SEZ6: variants seen among roughly 807,000 people sequenced by gnomAD.
SEZ6 encodes seizure related 6 homolog.
SEZ6 carries 53 observed loss-of-function variants against 101.0 expected under a neutral mutation model. The observed-to-expected ratio is 0.52, with a 90% CI of 0.42 to 0.66. SEZ6 has a LOEUF of 0.66. Ranked by LOEUF, SEZ6 falls within the 30% of genes least tolerant of loss-of-function variation. The probability of loss-of-function intolerance (pLI) is 0.00; values close to 1 mark genes in which losing one functional copy is unlikely to be tolerated. For missense variants in SEZ6, 1,102 were observed against 1,289.4 expected (o/e 0.85, Z 2.23); for synonymous variants, 488 against 512.2 (o/e 0.95, Z 0.64).
At chr17:28,975,349 A>G (rs1414324405) in intron 3 of SEZ6, among the ~76,000 whole-genome samples, 1 of 152,212 alleles carries the variant, frequency 6.6e-6, no homozygotes, top group East Asian at 1.9e-4. Flanking sequence ...AGCCACACTC[A>G]AAGGGACTGG....
At chr17:28,963,804 C>T in intron 5 of SEZ6, 158 bp downstream of exon 5, 1 of 780,068 alleles carries the variant, frequency 1.3e-6, no homozygotes, top group Non-Finnish European at 2.1e-6. Flanking sequence ...GGTAGATGCT[C>T]AATAAGTGCA....
intron 1 of SEZ6, among the ~76,000 whole-genome samples, chr17:29,001,850 A>T (rs1183767979): frequency 6.6e-6 from 1 of 152,180 alleles, no homozygotes; most frequent in Non-Finnish European, 1.5e-5. Flanking sequence ...CTCCTCCCTG[A>T]GAATAGGCCA....
At chr17:28,999,108 T>A (rs2152693367) in intron 1 of SEZ6, among the ~76,000 whole-genome samples, 1 of 152,092 alleles carries the variant, frequency 6.6e-6, no homozygotes, top group African/African-American at 2.4e-5. Context: ...AATGGAAGGA[T>A]GGATGGATGG....
Position 29,005,803 on chromosome 17 carries a change from G to A in SEZ6, c.55+12C>T. On this transcript the variant is annotated intron_variant, in intron 1 of 16. Coordinates refer to ENST00000317338, the MANE Select transcript of SEZ6 (RefSeq NM_178860.5). This position sits in a 1 kb window ranked among gnomAD's most constrained non-coding sequence, Gnocchi z 4.8. ...CGCCCCCGTCCTGCCGCCGGATGCC[G>A]GGGTCCCTTACCGTGAGCCAGGAGC... 6.7e-7 allele frequency: 1 copy of A among 1,483,364 alleles called. No individual in the cohort carries two copies. Among genetic ancestry groups the A allele is most frequent in the Non-Finnish European group, 9.0e-7 (1 of 1,116,834 alleles). The allele number at this position is 1,483,364 out of a possible 1,614,324, so 91.9% of individuals were successfully genotyped here. A position where few individuals can be genotyped will look rare whatever the true frequency, so the allele number is the denominator to read the frequency against.
intron 3 of SEZ6, among the ~76,000 whole-genome samples, chr17:28,976,579 G>A (rs1168455931): frequency 6.6e-6 from 1 of 152,194 alleles, no homozygotes; most frequent in Non-Finnish European, 1.5e-5. Context: ...AGCCTGAGGA[G>A]CCATGGGGAG....
chr17:28,973,142 C>T (rs1233325779), intron 3 of SEZ6, among the ~76,000 whole-genome samples: 2 of 152,130 alleles, frequency 1.3e-5, no homozygotes, highest in East Asian at 3.9e-4. Flanking sequence ...TTTTCATCCT[C>T]ACCGTGAATC....
In SEZ6 at chr17:28,963,942, C is replaced by T. The variant is rs1344292346; in HGVS notation, c.1240+20G>A. 4 of 1,536,102 alleles carry T rather than the reference C, an allele frequency of 2.6e-6. No individual in the cohort carries two copies. The highest frequency in any genetic ancestry group is 3.5e-6 in the Non-Finnish European group (4 of 1,155,222). On this transcript the variant is annotated intron_variant, in intron 5 of 16. Transcript: ENST00000317338. ...CTCACTTCTCTGCTCAGCACTGAGC[C>T]CTTTCCCCTGGGCACTCACCGATGC...
At chr17:28,981,249 G>T (rs2041296502) in intron 2 of SEZ6, 122 bp downstream of exon 2, 5 of 1,434,688 alleles carry the variant, frequency 3.5e-6, no homozygotes, top group South Asian at 1.5e-5. Context: ...CATGCCTCCT[G>T]CAGGCTGGCC....
chr17:28,958,692 A>C (rs1298362391), intron 10 of SEZ6, among the ~76,000 whole-genome samples: 1 of 151,992 alleles, frequency 6.6e-6, no homozygotes, highest in Non-Finnish European at 1.5e-5. Flanking sequence ...CAGGAGGATG[A>C]GGCACGAGAA....
chr17:28,970,155 G>T (rs1598189810), intron 3 of SEZ6, among the ~76,000 whole-genome samples: 2 of 152,316 alleles, frequency 1.3e-5, no homozygotes, highest in East Asian at 1.9e-4. Flanking sequence ...GAAGTTCAGA[G>T]ATTAAGTAAA....
chr17:29,005,312 G>A lies in SEZ6; in HGVS notation c.55+503C>T, dbSNP rs1453837527. Among the ~76,000 whole-genome samples, 1 of 152,150 alleles carries A rather than the reference G, an allele frequency of 6.6e-6. No individual in the cohort carries two copies. Among genetic ancestry groups the A allele is most frequent in the African/African-American group, 2.4e-5 (1 of 41,452 alleles). ...GAGCGAGGTCCCAACCCCGGGTCCG[G>A]CCGCCATCCGGCCCCGTCTCCCCTC... On this transcript the variant is annotated intron_variant, in intron 1 of 16. Transcript: ENST00000317338. The surrounding 1 kb of genome is among the most constrained non-coding windows in gnomAD (Gnocchi z 4.8).
In SEZ6 at chr17:28,996,146, G is replaced by A. The variant is rs371124814; in HGVS notation, c.55+9669C>T. ...CTCCCGGGTGGCTGGGACTACAGCG[G>A]GTGCCTGTAGTCCCAGCCACCACAC... is the stretch of plus-strand genomic sequence containing the variant. On this transcript the variant is annotated intron_variant, in intron 1 of 16. Transcript: ENST00000317338. Among the ~76,000 whole-genome samples, 775 of 151,760 alleles carry A rather than the reference G, an allele frequency of 5.1e-3. 12 individuals carry two copies. The highest frequency in any genetic ancestry group is 0.018 in the African/African-American group (735 of 41,422).
At chr17:28,970,216 A>T (rs545201828) in intron 3 of SEZ6, among the ~76,000 whole-genome samples, 1 of 152,314 alleles carries the variant, frequency 6.6e-6, no homozygotes, top group Non-Finnish European at 1.5e-5. Context: ...TTGTAAACAC[A>T]TCTTTCTGTC....
rs528839028 is a variant in SEZ6 at position 29,000,759 on chromosome 17, C to T, written c.55+5056G>A. ...TCATCCTTCCCTTACCTCTTAGTGCCAGCCAAGTCCATTCGAGGCATCCCT... is the reference window on the plus strand; with the variant it reads ...TCATCCTTCCCTTACCTCTTAGTGCTAGCCAAGTCCATTCGAGGCATCCCT... On this transcript the variant is annotated intron_variant, in intron 1 of 16. Transcript: ENST00000317338. Among the ~76,000 whole-genome samples, 4 of 152,260 alleles carry T rather than the reference C, an allele frequency of 2.6e-5. No individual in the cohort carries two copies. In the East Asian group the frequency reaches 7.7e-4, roughly 29 times the overall value.
In SEZ6 at chr17:29,005,704, G is replaced by A. The variant is rs577994952; in HGVS notation, c.55+111C>T. ...GGGGGCAGCGCAGCCGGCGGGGCGC[G>A]GTGCTTGGACTGGGCAGCCAGATGC... On this transcript the variant is annotated intron_variant, in intron 1 of 16. Coordinates refer to ENST00000317338, the MANE Select transcript of SEZ6 (RefSeq NM_178860.5). The surrounding 1 kb of genome is among the most constrained non-coding windows in gnomAD (Gnocchi z 4.8). 1.2e-4 allele frequency: 125 copies of A among 1,085,794 alleles called. 2 individuals carry two copies. In the East Asian group the frequency reaches 4.1e-3, roughly 36 times the overall value. 67.3% of individuals were successfully genotyped at this position (1,085,794 alleles called of 1,614,324 possible).
intron 2 of SEZ6, among the ~76,000 whole-genome samples, 191 bp from the exon 3 acceptor site, chr17:28,980,004 A>G (rs1322409832): frequency 1.4e-5 from 2 of 148,118 alleles, no homozygotes; most frequent in Admixed American, 1.3e-4. Context: ...ACCATGTGCA[A>G]TCTTTTTTTT....
At chr17:28,974,815 C>T (rs1014828621) in intron 3 of SEZ6, among the ~76,000 whole-genome samples, 2 of 152,216 alleles carry the variant, frequency 1.3e-5, no homozygotes, top group East Asian at 1.9e-4. Context: ...AGGTACCGGT[C>T]TCCGCCTGGG....
intron 1 of SEZ6, among the ~76,000 whole-genome samples, chr17:28,985,960 C>G (rs1403051221): frequency 6.6e-6 from 1 of 152,148 alleles, no homozygotes; most frequent in Non-Finnish European, 1.5e-5. Context: ...CCCGCAGGGC[C>G]GGGGGCTGCA....
intron 5 of SEZ6, among the ~76,000 whole-genome samples, chr17:28,962,374 T>G (rs1191097757): frequency 6.6e-6 from 1 of 152,224 alleles, no homozygotes; most frequent in Non-Finnish European, 1.5e-5. Flanking sequence ...TGTAGCATCC[T>G]CTGCACTGAG....
Sources: allele counts gnomAD v4.1 joint callset (sites outside exome capture counted in the v4.1 genomes callset), GRCh38; gene constraint gnomAD v4.1.1; non-coding constraint Gnocchi (gnomAD v3.1); transcripts MANE v1.5; gene names NCBI Gene and HGNC (gene_info 2026-07-23, HGNC 2026-07-21).